Variants in TMEM266 observed in about 807,000 individuals in gnomAD.
TMEM266 encodes transmembrane protein 266.
In TMEM266, 33 loss-of-function variants were observed where a neutral mutation model predicts 50.5. The observed-to-expected ratio is 0.65, with a 90% CI of 0.50 to 0.87. TMEM266 has a LOEUF of 0.87. Among genes scored for constraint, TMEM266 ranks in the 40% least tolerant of loss-of-function variants. TMEM266 has a pLI of 0.00. For missense variants in TMEM266, 655 were observed against 695.1 expected (o/e 0.94, Z 0.65); for synonymous variants, 310 against 292.3 (o/e 1.06, Z -0.62).
intron 1 of TMEM266, among the ~76,000 whole-genome samples, chr15:76,080,324 CT>C (rs879794548): frequency 0.075 from 17 of 228 alleles, no homozygotes; most frequent in Non-Finnish European, 0.11. Flanking sequence ...ACGATCTTGG[CT>C]CACTGCAACC....
At chr15:76,191,621 C>T in intron 8 of TMEM266, 1 of 218,930 alleles carries the variant, frequency 4.6e-6, no homozygotes. Flanking sequence ...CACATCTGGG[C>T]GAAGAGCTAG....
Position 76,139,811 on chromosome 15 carries a change from G to A in TMEM266, c.227+1916G>A, listed in dbSNP as rs1168546792. Among the ~76,000 whole-genome samples, 1 of 152,216 alleles carries A rather than the reference G, an allele frequency of 6.6e-6. No homozygotes were observed. Among genetic ancestry groups the A allele is most frequent in the Non-Finnish European group, 1.5e-5 (1 of 68,042 alleles). The stretch of plus-strand genomic sequence containing the variant: ...GGAGAAAAGTGGGGAAACCTTCAGG[G>A]ATTCTGCTTCGGAGCAAAGCAGTGT... On this transcript the variant is annotated intron_variant, in intron 3 of 10. Coordinates refer to ENST00000388942, the MANE Select transcript of TMEM266 (RefSeq NM_152335.3). This position sits in a 1 kb window ranked among gnomAD's most constrained non-coding sequence, Gnocchi z 4.1.
At position 76,160,160 on chromosome 15, in the gene TMEM266, T is replaced by C. The variant is rs1210730826; in HGVS notation, c.448T>C (p.Phe150Leu). The change falls in exon 5 of 11, where the codon TTC becomes CTC. Residue 150 changes from phenylalanine to leucine, a missense_variant. This residue lies in a region of TMEM266 where 101 missense variants were observed against 182.6 expected (regional missense o/e 0.55). Transcript: ENST00000388942. The surrounding 1 kb of genome is among the most constrained non-coding windows in gnomAD (Gnocchi z 5.7). Reference sequence around the variant, plus strand: ...CAGCCTGGTCATTCTGTCCGTGTTCTTCTCAGAGGTAGGTGGAGACTCTGG... The same window carrying C: ...CAGCCTGGTCATTCTGTCCGTGTTCCTCTCAGAGGTAGGTGGAGACTCTGG... 3 of 1,614,064 alleles carry C rather than the reference T, an allele frequency of 1.9e-6. No individual in the cohort carries two copies. Among genetic ancestry groups the C allele is most frequent in the Non-Finnish European group, 2.5e-6 (3 of 1,179,882 alleles).
chr15:76,106,543 G>C (rs947002517), intron 1 of TMEM266, among the ~76,000 whole-genome samples: 1 of 152,024 alleles, frequency 6.6e-6, no homozygotes, highest in Non-Finnish European at 1.5e-5. Flanking sequence ...GAACTCAAGC[G>C]ATCCTCCTGC....
In TMEM266 at chr15:76,160,269, C is replaced by T; in HGVS notation, c.456+101C>T. 1 of 1,181,158 alleles carries T rather than the reference C, an allele frequency of 8.5e-7. No homozygotes were observed. The highest frequency in any genetic ancestry group is 1.3e-6 in the Non-Finnish European group (1 of 797,246). 73.2% of individuals were successfully genotyped at this position (1,181,158 alleles called of 1,614,324 possible). A position where few individuals can be genotyped will look rare whatever the true frequency, so the allele number is the denominator to read the frequency against. On this transcript the variant is annotated intron_variant, in intron 5 of 10. Coordinates refer to ENST00000388942, the MANE Select transcript of TMEM266 (RefSeq NM_152335.3). This position sits in a 1 kb window ranked among gnomAD's most constrained non-coding sequence, Gnocchi z 5.7. ...GAAATGGTTTCTAGCATCAGGTCCC[C>T]TGCTAGCCCTTGAGGCTGCTGGGAG...
rs2036632148 is a variant in TMEM266 at position 76,078,195 on chromosome 15, G to GA, written c.-97+18179_-97+18180insA. ...AAAGCTTTGTTGTGGTCCTGGAAGG[G>GA]TCACTGGGCTTCCCCATGGCCCAGA... On this transcript the variant is annotated intron_variant, in intron 1 of 10. Transcript: ENST00000388942. 2.0e-5 allele frequency among the ~76,000 whole-genome samples: 3 copies of GA among 152,032 alleles called. No individual in the cohort carries two copies. In the East Asian group the frequency reaches 5.8e-4, roughly 29 times the overall value.
At chr15:76,169,987 A>C in intron 6 of TMEM266, 115 bp downstream of exon 6, 5 of 1,079,644 alleles carry the variant, frequency 4.6e-6, no homozygotes, top group East Asian at 2.5e-5. Context: ...TCCTTCTCCC[A>C]CTTGACCTCT....
At position 76,204,284 on chromosome 15, in the gene TMEM266, A is replaced by G. The variant is rs2038802403; in HGVS notation, c.1565A>G (p.Glu522Gly). Residue 522 changes from glutamate (E) to glycine (G), a missense_variant, in exon 11 of 11, where the codon GAG becomes GGG. Glu to Gly is a moderately conservative substitution (Grantham distance 98). Transcript: ENST00000388942. ...AAGTTCAGATCTTTGGAATCCAAAG[A>G]GCAAAAGCTGCACAGGGTCCCTGAG... Reference protein sequence around the residue: ...SKEQKLHRVPEA With the variant: ...SKEQKLHRVPGA The G allele has an allele frequency of 1.2e-6, 2 of 1,611,934 alleles. No homozygotes were observed. The highest frequency in any genetic ancestry group is 1.7e-6 in the Non-Finnish European group (2 of 1,178,412).
intron 1 of TMEM266, among the ~76,000 whole-genome samples, chr15:76,103,247 A>AATTCCAGC (rs1398613425): frequency 6.6e-6 from 1 of 152,074 alleles, no homozygotes; most frequent in Non-Finnish European, 1.5e-5. Context: ...TCGTGCCTGT[A>AATTCCAGC]ATTCCAGCAT....
chr15:76,144,430 A>C (rs1190621608), intron 3 of TMEM266, among the ~76,000 whole-genome samples: 2 of 152,102 alleles, frequency 1.3e-5, no homozygotes, highest in Non-Finnish European at 2.9e-5. Flanking sequence ...AGTGCCCATG[A>C]AGCTACTGCT....
At position 76,139,016 on chromosome 15, in the gene TMEM266, C is replaced by T. The variant is rs940177643; in HGVS notation, c.227+1121C>T. Among the ~76,000 whole-genome samples, 1 of 152,154 alleles carries T rather than the reference C, an allele frequency of 6.6e-6. No homozygotes were observed. The highest frequency in any genetic ancestry group is 1.5e-5 in the Non-Finnish European group (1 of 68,020). On this transcript the variant is annotated intron_variant, in intron 3 of 10. Transcript: ENST00000388942. This position sits in a 1 kb window ranked among gnomAD's most constrained non-coding sequence, Gnocchi z 4.1. ...ACTTCCGACTCTGACAAGGGCTTTCCCTAGCTTCACCCTGGCAGGACCTTA... is the reference window on the plus strand; with the variant it reads ...ACTTCCGACTCTGACAAGGGCTTTCTCTAGCTTCACCCTGGCAGGACCTTA...
intron 1 of TMEM266, among the ~76,000 whole-genome samples, chr15:76,116,201 T>C (rs1181175298): frequency 2.0e-5 from 3 of 152,066 alleles, no homozygotes; most frequent in Admixed American, 2.0e-4. Flanking sequence ...TGGGTTCCTC[T>C]ACTTATGCAC....
rs529227987 is a variant in TMEM266 at position 76,084,600 on chromosome 15, T to G, written c.-97+24584T>G. On this transcript the variant is annotated intron_variant, in intron 1 of 10. Coordinates refer to ENST00000388942, the MANE Select transcript of TMEM266 (RefSeq NM_152335.3). The stretch of plus-strand genomic sequence containing the variant: ...GCCAGAGATGAGGGTTTTTTTTGGT[T>G]TTTTTTTTTTTGTTTTTTGAGACAG... Among the ~76,000 whole-genome samples, 14 of 146,226 alleles carry G rather than the reference T, an allele frequency of 9.6e-5. No individual in the cohort carries two copies. The East Asian group carries it at 2.3e-3, about 24-fold the overall frequency.
At chr15:76,151,843 ATGC>A (rs1323459991) in intron 3 of TMEM266, among the ~76,000 whole-genome samples, 2 of 152,144 alleles carry the variant, frequency 1.3e-5, no homozygotes, top group Non-Finnish European at 1.5e-5. Flanking sequence ...GCGCCAGGTG[ATGC>A]TGCTGCTGCT....
At chr15:76,134,409 A>T in intron 2 of TMEM266, 108 bp downstream of exon 2, 1 of 1,147,582 alleles carries the variant, frequency 8.7e-7, no homozygotes, top group Non-Finnish European at 1.2e-6. Flanking sequence ...TTCCTTTAGC[A>T]GGAGGCCACA....
intron 2 of TMEM266, among the ~76,000 whole-genome samples, chr15:76,136,430 C>G (rs2037589513): frequency 6.6e-6 from 1 of 152,138 alleles, no homozygotes; most frequent in Non-Finnish European, 1.5e-5. Context: ...TCCTCATGTT[C>G]TGATTGGAGA....
intron 1 of TMEM266, among the ~76,000 whole-genome samples, chr15:76,085,122 G>C (rs1230982007): frequency 6.6e-6 from 1 of 151,424 alleles, no homozygotes; most frequent in Non-Finnish European, 1.5e-5. Context: ...ACCACACCCT[G>C]CTAATTTTTT....
chr15:76,181,129 A>G (rs569207333), intron 8 of TMEM266: 2 of 152,364 alleles, frequency 1.3e-5, no homozygotes, highest in East Asian at 3.9e-4. Context: ...CAGCTGGCCC[A>G]ATCCAGGATT....
intron 3 of TMEM266, among the ~76,000 whole-genome samples, chr15:76,152,974 C>A (rs1244104036): frequency 6.6e-6 from 1 of 152,114 alleles, no homozygotes; most frequent in African/African-American, 2.4e-5. Context: ...CGAATCCTGC[C>A]ATCTGCCCAG....
Sources: gnomAD v4.1 joint callset for allele counts (sites outside exome capture counted in the v4.1 genomes callset) on GRCh38, gnomAD v4.1.1 for gene constraint, gnomAD v4.1.1 regional missense constraint, Gnocchi (gnomAD v3.1) non-coding constraint, MANE v1.5 for transcripts, NCBI Gene and HGNC (gene_info 2026-07-23, HGNC 2026-07-21) for gene names.